The following SH3KBP1 variants were observed in gnomAD, a reference collection of about 807,000 sequenced individuals.
SH3KBP1 encodes the protein SH3 domain-containing kinase-binding protein 1.
SH3KBP1 carries 8 observed loss-of-function variants against 50.1 expected under a neutral mutation model. That is an observed-to-expected ratio of 0.16 (90% CI 0.09 to 0.29). The LOEUF (loss-of-function observed/expected upper bound fraction) is 0.29, where lower values mean the gene tolerates loss of function less well. Ranked by LOEUF, SH3KBP1 falls within the 10% of genes least tolerant of loss-of-function variation. The probability of loss-of-function intolerance (pLI) is 1.00; values close to 1 mark genes in which losing one functional copy is unlikely to be tolerated. For synonymous variants in SH3KBP1, 227 were observed against 218.6 expected, an observed-to-expected ratio of 1.04 and a Z score of -0.34; for missense variants, 377 against 535.2, an observed-to-expected ratio of 0.70 and a Z score of 2.92.
chrX:19,827,318 A>T (rs755867319), intron 2 of SH3KBP1, among the ~76,000 whole-genome samples: 9 of 111,856 alleles, frequency 8.0e-5, no homozygotes, highest in Admixed American at 1.9e-4. Context: ...CCTCACAGAC[A>T]GAGTCAGATA....
chrX:19,803,392 T>C (rs1324554998), intron 2 of SH3KBP1, among the ~76,000 whole-genome samples: 1 of 111,543 alleles, frequency 9.0e-6, no homozygotes, highest in Non-Finnish European at 1.9e-5. Context: ...AAATTTAGTG[T>C]AGAGACAAGG....
chrX:19,582,988 G>C (rs1301475078), intron 12 of SH3KBP1, among the ~76,000 whole-genome samples: 2 of 109,907 alleles, frequency 1.8e-5, no homozygotes, highest in Non-Finnish European at 3.8e-5. Flanking sequence ...TCCACTGCAT[G>C]CAATTACTAG....
At position 19,714,326 on chromosome X, in the gene SH3KBP1, T is replaced by G. The variant is rs377129504; in HGVS notation, c.287-7342A>C. 1.1e-3 allele frequency among the ~76,000 whole-genome samples: 119 copies of G among 111,609 alleles called. 2 individuals are homozygous for G. The highest frequency in any genetic ancestry group is 3.7e-3 in the African/African-American group (115 of 30,707). Reference sequence around the variant, plus strand: ...AGTCAATAACAACTTAATCATACATTTTCAAATTACTAAAAGACTATAATT... The same window carrying G: ...AGTCAATAACAACTTAATCATACATGTTCAAATTACTAAAAGACTATAATT... On this transcript the variant is annotated intron_variant, in intron 3 of 17. Coordinates refer to ENST00000397821, the MANE Select transcript of SH3KBP1 (RefSeq NM_031892.3).
At chrX:19,874,921 T>G (rs1603290874) in intron 1 of SH3KBP1, among the ~76,000 whole-genome samples, 1 of 79,007 alleles carries the variant, frequency 1.3e-5, no homozygotes, top group Admixed American at 1.6e-4. Flanking sequence ...AGAGAAAGGG[T>G]GAGGGGATGA....
intron 7 of SH3KBP1, among the ~76,000 whole-genome samples, chrX:19,639,940 TGTG>T (rs1207772008): frequency 5.5e-4 from 54 of 98,511 alleles, no homozygotes; most frequent in African/African-American, 1.9e-3. Context: ...TATTTAAACA[TGTG>T]GTGAGAAAGC....
At chrX:19,664,292 T>A (rs62589435) in intron 6 of SH3KBP1, among the ~76,000 whole-genome samples, 4,150 of 111,666 alleles carry the variant, frequency 0.037, 91 homozygotes, top group Non-Finnish European at 0.059. Flanking sequence ...TGCCCTAGGA[T>A]ACCCTTACTT....
At chrX:19,668,612 G>A (rs2064135546) in intron 6 of SH3KBP1, among the ~76,000 whole-genome samples, 1 of 106,985 alleles carries the variant, frequency 9.3e-6, no homozygotes. Context: ...CACTTTGGGA[G>A]GCCAAGGTAG....
At chrX:19,670,847 A>AAAAAAAAAAAAAAAAAAAAAAAAAC in intron 6 of SH3KBP1, 1 of 1,138,274 alleles carries the variant, frequency 8.8e-7, no homozygotes, top group Non-Finnish European at 1.2e-6. Flanking sequence ...AGCAAAAAAA[A>AAAAAAAAAAAAAAAAAAAAAAAAAC]AAAAAAAGAA....
chrX:19,822,656 G>C (rs962700130), intron 2 of SH3KBP1, among the ~76,000 whole-genome samples: 2 of 112,192 alleles, frequency 1.8e-5, no homozygotes, highest in African/African-American at 6.5e-5. Context: ...AATATCTGTT[G>C]ATTGGCTTTT....
At chrX:19,608,858 C>T (rs774432463) in intron 8 of SH3KBP1, among the ~76,000 whole-genome samples, 4 of 112,117 alleles carry the variant, frequency 3.6e-5, no homozygotes, top group Admixed American at 1.9e-4. Flanking sequence ...ATGTTGATGG[C>T]GCACAGTTGC....
At chrX:19,824,796 C>T (rs1053534143) in intron 2 of SH3KBP1, among the ~76,000 whole-genome samples, 5 of 111,471 alleles carry the variant, frequency 4.5e-5, no homozygotes, top group African/African-American at 1.3e-4. Flanking sequence ...GTCACAAGAC[C>T]GCCCCCCTCC....
intron 6 of SH3KBP1, among the ~76,000 whole-genome samples, chrX:19,682,612 C>T (rs188621329): frequency 6.7e-4 from 74 of 110,554 alleles, no homozygotes; most frequent in African/African-American, 2.3e-3. Flanking sequence ...CACTAGTTTT[C>T]AGATCTTGAA....
intron 6 of SH3KBP1, among the ~76,000 whole-genome samples, chrX:19,679,659 C>CA (rs780642069): frequency 6.3e-5 from 7 of 111,392 alleles, no homozygotes; most frequent in Admixed American, 2.9e-4. Context: ...CCAACATACA[C>CA]AAAAATAGAG....
At chrX:19,757,976 G>A (rs1023802330) in intron 2 of SH3KBP1, among the ~76,000 whole-genome samples, 15 of 110,876 alleles carry the variant, frequency 1.4e-4, no homozygotes, top group Non-Finnish European at 2.5e-4. Context: ...AAGATGTGGG[G>A]AAAATCAGGC....
chrX:19,626,171 T>G (rs573903397), intron 8 of SH3KBP1, among the ~76,000 whole-genome samples: 1 of 111,152 alleles, frequency 9.0e-6, no homozygotes, highest in Non-Finnish European at 1.9e-5. Flanking sequence ...TTAAGTTAAT[T>G]AAATGTTCAA....
chrX:19,543,296 T>C (rs931127004), intron 15 of SH3KBP1, among the ~76,000 whole-genome samples: 16 of 111,631 alleles, frequency 1.4e-4, no homozygotes, highest in Non-Finnish European at 2.4e-4. Flanking sequence ...GTACCTTTCA[T>C]GGGAGAAACA....
chrX:19,686,437 T>C, intron 5 of SH3KBP1, among the ~76,000 whole-genome samples: 1 of 111,304 alleles, frequency 9.0e-6, no homozygotes, highest in South Asian at 3.8e-4. Context: ...CGGGGGCTGG[T>C]TCATGAAGGG....
At chrX:19,870,697 TA>T (rs2069018893) in intron 1 of SH3KBP1, among the ~76,000 whole-genome samples, 4 of 111,719 alleles carry the variant, frequency 3.6e-5, no homozygotes, top group Admixed American at 1.9e-4. Context: ...TGACATCAAC[TA>T]TCATATCAGC....
Position 19,638,088 on chromosome X carries a change from AAAACAAAAAAAAACAAACAAAC to A in SH3KBP1, c.803-6152_803-6131del, listed in dbSNP as rs771081290. ...CAAAATTCCATCTCCAAAACAAAAC[AAAACAAAAAAAAACAAACAAAC>A]AAACAAAAAAAAACAAAAGGCCGGG... On this transcript the variant is annotated intron_variant, in intron 7 of 17. Coordinates refer to ENST00000397821, the MANE Select transcript of SH3KBP1 (RefSeq NM_031892.3). 1.1e-4 allele frequency among the ~76,000 whole-genome samples: 12 copies of A among 105,038 alleles called. 1 individual carries two copies. In the South Asian group the frequency reaches 4.7e-3, roughly 41 times the overall value. The allele number at this position is 105,038 out of a possible 115,157, so 91.2% of individuals were successfully genotyped here. A position where few individuals can be genotyped will look rare whatever the true frequency, so the allele number is the denominator to read the frequency against.
Sources: allele counts gnomAD v4.1 joint callset (sites outside exome capture counted in the v4.1 genomes callset), GRCh38; gene constraint gnomAD v4.1.1; transcripts MANE v1.5; gene names NCBI Gene and HGNC (gene_info 2026-07-23, HGNC 2026-07-21).